Variants in CFAP47 observed in about 807,000 individuals in gnomAD.
CFAP47 encodes the protein cilia and flagella associated protein 47.
In CFAP47, 29 loss-of-function variants were observed where a neutral mutation model predicts 148.1. The ratio of observed to expected loss-of-function variants is 0.20; its 90% CI spans 0.15 to 0.27. The LOEUF is 0.27. Among genes scored for constraint, CFAP47 ranks in the 10% least tolerant of loss-of-function variants. The probability of loss-of-function intolerance (pLI) is 1.00; values close to 1 mark genes in which losing one functional copy is unlikely to be tolerated. For missense variants in CFAP47, 1,872 were observed against 1,697.5 expected (o/e 1.10, Z -1.81); for synonymous variants, 664 against 577.3 (o/e 1.15, Z -2.15).
At chrX:36,379,961 C>T (rs1021614926) in intron 63 of CFAP47, among the ~76,000 whole-genome samples, 1 of 109,512 alleles carries the variant, frequency 9.1e-6, no homozygotes, top group Admixed American at 9.8e-5. Context: ...TAATATATAA[C>T]ATTTATTTTG....
Position 35,971,782 on chromosome X carries a change from A to G in CFAP47, c.2157+10A>G, listed in dbSNP as rs376790326. On this transcript the variant is annotated intron_variant, in intron 12 of 63. Transcript: ENST00000378653. ...GTCTGTGAGAAGAAAGGCACGTGCAATGTTTTACATTTGGTTATTCCACGA... is the reference window on the plus strand; with the variant it reads ...GTCTGTGAGAAGAAAGGCACGTGCAGTGTTTTACATTTGGTTATTCCACGA... The G allele has an allele frequency of 7.9e-5, 95 of 1,196,569 alleles. No homozygotes were observed. The highest frequency in any genetic ancestry group is 1.0e-4 in the Non-Finnish European group (89 of 885,412).
At chrX:36,170,232 C>A (rs950166208) in intron 39 of CFAP47, among the ~76,000 whole-genome samples, 2 of 111,363 alleles carry the variant, frequency 1.8e-5, no homozygotes, top group Admixed American at 9.5e-5. Flanking sequence ...TTTTCACAAC[C>A]CTTACCTGTG....
At chrX:36,293,046 C>T (rs1941207827) in intron 51 of CFAP47, among the ~76,000 whole-genome samples, 1 of 110,955 alleles carries the variant, frequency 9.0e-6, no homozygotes, top group African/African-American at 3.3e-5. Context: ...TGAGTATTTA[C>T]TGGGTATCTC....
intron 28 of CFAP47, among the ~76,000 whole-genome samples, chrX:36,072,826 A>G (rs1369925253): frequency 8.9e-6 from 1 of 111,790 alleles, no homozygotes; most frequent in African/African-American, 3.2e-5. Context: ...TTGTCAATAC[A>G]TTTTATTAAT....
chrX:36,348,266 G>A lies in CFAP47; in HGVS notation c.8581G>A (p.Glu2861Lys). The change falls in exon 58 of 64, where the codon GAG (glutamate) becomes AAG (lysine). Residue 2861 changes from glutamate to lysine, a missense_variant. Glu to Lys is a moderately conservative substitution (Grantham distance 56). Coordinates refer to ENST00000378653, the MANE Select transcript of CFAP47 (RefSeq NM_001304548.2). ...ATATTGGCCTATTGACAATTTTGAT[G>A]AGTTGGATATAAAATTTAAAAGGTA... ...GKYWPIDNFD[E>K]LDIKFKSIVG... 1 of 1,027,737 alleles carries A rather than the reference G, an allele frequency of 9.7e-7. No homozygotes were observed. The highest frequency in any genetic ancestry group is 1.3e-6 in the Non-Finnish European group (1 of 798,448). The allele number at this position is 1,027,737 out of a possible 1,213,427, so 84.7% of individuals were successfully genotyped here. A position where few individuals can be genotyped will look rare whatever the true frequency, so the allele number is the denominator to read the frequency against.
chrX:35,992,335 A>T lies in CFAP47; in HGVS notation c.2967+392A>T, dbSNP rs767638422. Among the ~76,000 whole-genome samples the T allele has an allele frequency of 8.1e-5, 9 of 110,693 alleles. No individual in the cohort carries two copies. The East Asian group carries it at 2.3e-3, about 28-fold the overall frequency. Reference sequence around the variant, plus strand: ...AGATCAAGGCCATTCTGGAGAGAGTATGTTTATGGTTGTTGCTCCTGATTT... The same window carrying T: ...AGATCAAGGCCATTCTGGAGAGAGTTTGTTTATGGTTGTTGCTCCTGATTT... On this transcript the variant is annotated intron_variant, in intron 17 of 63. Coordinates refer to ENST00000378653, the MANE Select transcript of CFAP47 (RefSeq NM_001304548.2).
rs1939485984 is a variant in CFAP47, at chrX:36,166,110, G to A, written c.6026+5341G>A. 3.6e-5 allele frequency among the ~76,000 whole-genome samples: 4 copies of A among 111,337 alleles called. No individual in the cohort carries two copies. In the South Asian group the frequency reaches 1.5e-3, roughly 42 times the overall value. On this transcript the variant is annotated intron_variant, in intron 39 of 63. Transcript: ENST00000378653. The stretch of plus-strand genomic sequence containing the variant: ...TTCTCTTCATTTGTTCGCATGGATT[G>A]TTGCTACCATATAGAATAATTTCTG...
chrX:36,037,241 G>A (rs1937348592), intron 24 of CFAP47, among the ~76,000 whole-genome samples: 1 of 111,667 alleles, frequency 9.0e-6, no homozygotes, highest in Admixed American at 9.5e-5. Flanking sequence ...CATCTAGAAG[G>A]AAATAAAAAA....
Position 35,943,907 on chromosome X carries a change from A to C in CFAP47, c.517+2509A>C, listed in dbSNP as rs749927388. Among the ~76,000 whole-genome samples the C allele has an allele frequency of 4.5e-5, 5 of 111,188 alleles. No homozygotes were observed. In the East Asian group the frequency reaches 1.4e-3, roughly 32 times the overall value. On this transcript the variant is annotated intron_variant, in intron 3 of 63. Transcript: ENST00000378653. The stretch of plus-strand genomic sequence containing the variant: ...CGGGCATCCAATGTGAAATAAGTAC[A>C]TCATGGAGAATGTTGAGTAGACTTT...
In CFAP47 at chrX:35,923,901, ATGTACATG is replaced by A. The variant is rs777359776; in HGVS notation, c.250-2111_250-2104del. ...TATATGTACATATATATGTGTATATATGTACATGTGTATATATGTACATATATATGTGT... is the reference window on the plus strand; with the variant it reads ...TATATGTACATATATATGTGTATATATGTATATATGTACATATATATGTGT... On this transcript the variant is annotated intron_variant, in intron 1 of 63. Coordinates refer to ENST00000378653, the MANE Select transcript of CFAP47 (RefSeq NM_001304548.2). 4.0e-3 allele frequency among the ~76,000 whole-genome samples: 343 copies of A among 85,430 alleles called. 24 individuals are homozygous for A. Among genetic ancestry groups the A allele is most frequent in the African/African-American group, 0.023 (333 of 14,785 alleles). The allele number at this position is 85,430 out of a possible 115,157, so 74.2% of individuals were successfully genotyped here.
intron 62 of CFAP47, among the ~76,000 whole-genome samples, chrX:36,378,697 GC>G: frequency 9.0e-6 from 1 of 110,546 alleles, no homozygotes; most frequent in Admixed American, 9.7e-5. Context: ...GAGCCACCAT[GC>G]CCGGCTAATT....
intron 39 of CFAP47, among the ~76,000 whole-genome samples, chrX:36,162,204 G>A (rs975343597): frequency 2.7e-5 from 3 of 111,645 alleles, no homozygotes; most frequent in Admixed American, 9.5e-5. Context: ...GCTTATAAGG[G>A]GTTTGTGGTT....
chrX:36,034,045 G>T (rs762759843), intron 23 of CFAP47, among the ~76,000 whole-genome samples: 41 of 111,341 alleles, frequency 3.7e-4, no homozygotes, highest in Non-Finnish European at 3.2e-4. Flanking sequence ...ACTCTATTCA[G>T]AAATCAATGG....
At chrX:36,210,297 G>T (rs1555989314) in intron 45 of CFAP47, among the ~76,000 whole-genome samples, 1 of 111,699 alleles carries the variant, frequency 9.0e-6, no homozygotes, top group Non-Finnish European at 1.9e-5. Flanking sequence ...TTCCAAAGTG[G>T]CTGCACCATC....
intron 61 of CFAP47, among the ~76,000 whole-genome samples, chrX:36,362,343 C>T (rs1487323340): frequency 4.5e-5 from 5 of 111,843 alleles, no homozygotes; most frequent in African/African-American, 1.6e-4. Context: ...TAGTTTGCAG[C>T]GTCTGTTTTT....
At chrX:36,371,719 T>C (rs1941948896) in intron 62 of CFAP47, among the ~76,000 whole-genome samples, 1 of 64,096 alleles carries the variant, frequency 1.6e-5, no homozygotes, top group African/African-American at 7.0e-5. Context: ...TATGTGTGTA[T>C]ATACACACAT....
intron 15 of CFAP47, among the ~76,000 whole-genome samples, chrX:35,983,131 C>T (rs1005946490): frequency 2.7e-5 from 3 of 111,590 alleles, no homozygotes; most frequent in African/African-American, 6.5e-5. Flanking sequence ...CCTTCACTAA[C>T]GTTTTGTAAT....
intron 33 of CFAP47, among the ~76,000 whole-genome samples, chrX:36,118,111 T>C (rs1938672938): frequency 8.9e-6 from 1 of 112,084 alleles, no homozygotes; most frequent in Admixed American, 9.5e-5. Context: ...TGTCAGTTTT[T>C]ATGCCAATAC....
At chrX:35,986,530 C>T (rs1189511130) in intron 15 of CFAP47, among the ~76,000 whole-genome samples, 3 of 109,532 alleles carry the variant, frequency 2.7e-5, no homozygotes, top group Non-Finnish European at 5.7e-5. Context: ...AGGTTCTTAG[C>T]TTCCTTGCAT....
Sources: allele counts gnomAD v4.1 joint callset (sites outside exome capture counted in the v4.1 genomes callset), GRCh38; gene constraint gnomAD v4.1.1; transcripts MANE v1.5; gene names NCBI Gene and HGNC (gene_info 2026-07-23, HGNC 2026-07-21).